Variants in KIF18A observed in about 807,000 individuals in gnomAD.
KIF18A encodes kinesin family member 18A.
Under a neutral mutation model 103.3 loss-of-function variants are expected in KIF18A, and 67 were observed. That is an observed-to-expected ratio of 0.65 (90% CI 0.53 to 0.79). KIF18A has a LOEUF of 0.79. Among genes scored for constraint, KIF18A ranks in the 30% least tolerant of loss-of-function variants. The pLI is 0.00. For synonymous variants in KIF18A, 367 were observed against 355.5 expected (o/e 1.03, Z -0.36); for missense variants, 1,032 against 1,062.5 (o/e 0.97, Z 0.40).
chr11:28,054,104 T>C (rs1339887366), intron 13 of KIF18A, among the ~76,000 whole-genome samples: 1 of 152,066 alleles, frequency 6.6e-6, no homozygotes, highest in Non-Finnish European at 1.5e-5. Context: ...CAAAGATAAA[T>C]ATACATATTT....
In KIF18A at chr11:28,098,441, G is replaced by C. The variant is rs574131755; in HGVS notation, c.-46-448C>G. Reference sequence around the variant, plus strand: ...AGAACCATATCAAGGTATGATTGGAGAGCCTTAGCTTGTGAACTATTTTTA... The same window carrying C: ...AGAACCATATCAAGGTATGATTGGACAGCCTTAGCTTGTGAACTATTTTTA... On this transcript the variant is annotated intron_variant, in intron 1 of 16. Transcript: ENST00000263181. Among the ~76,000 whole-genome samples, 4 of 152,316 alleles carry C rather than the reference G, an allele frequency of 2.6e-5. No individual in the cohort carries two copies. In the South Asian group the frequency reaches 8.3e-4, roughly 32 times the overall value.
Position 28,090,597 on chromosome 11 carries a change from A to G in KIF18A, c.699+20T>C. The G allele has an allele frequency of 8.2e-7, 1 of 1,221,052 alleles. No homozygotes were observed. The highest frequency in any genetic ancestry group is 1.2e-6 in the Non-Finnish European group (1 of 831,442). 75.6% of individuals were successfully genotyped at this position (1,221,052 alleles called of 1,614,324 possible). A position where few individuals can be genotyped will look rare whatever the true frequency, so the allele number is the denominator to read the frequency against. On this transcript the variant is annotated intron_variant, in intron 5 of 16. Transcript: ENST00000263181. ...TATTTTAAATCCAATTTTAAGAGTGATAGTCTAGTGGCCTCTTACTTGGAA... is the reference window on the plus strand; with the variant it reads ...TATTTTAAATCCAATTTTAAGAGTGGTAGTCTAGTGGCCTCTTACTTGGAA...
intron 2 of KIF18A, among the ~76,000 whole-genome samples, chr11:28,096,610 A>G (rs1022792025): frequency 2.6e-5 from 4 of 152,182 alleles, no homozygotes; most frequent in African/African-American, 4.8e-5. Context: ...ATGAAAGAGG[A>G]AAAGAATATC....
At chr11:28,021,329 CAA>C in intron 16 of KIF18A, 47 bp from the exon 17 acceptor site, 2 of 1,256,482 alleles carry the variant, frequency 1.6e-6, no homozygotes, top group South Asian at 4.3e-5. Context: ...AAATATCATT[CAA>C]AAAGTTTTCA....
At position 28,062,447 on chromosome 11, in the gene KIF18A, G is replaced by C; in HGVS notation, c.1660C>G (p.His554Asp). 1 of 1,611,774 alleles carries C rather than the reference G, an allele frequency of 6.2e-7. No homozygotes were observed. Among genetic ancestry groups the C allele is most frequent in the South Asian group, 1.1e-5 (1 of 90,834 alleles). The change falls in exon 12 of 17, where the codon CAT (histidine) becomes GAT (aspartate). Residue 554 changes from histidine (H) to aspartate (D), a missense_variant. Physicochemically the swap from His to Asp is moderately conservative, Grantham distance 81. Coordinates refer to ENST00000263181, the MANE Select transcript of KIF18A (RefSeq NM_031217.4). ...TGAAGACAAGCTAGATCCATCATAT[G>C]TCTAATTTGTGCTTTCAAATCTTTG... Reference protein sequence around the residue: ...QNKDLKAQIRHMMDLACLQEQ... With the variant: ...QNKDLKAQIRDMMDLACLQEQ...
intron 10 of KIF18A, among the ~76,000 whole-genome samples, chr11:28,075,264 CAT>C (rs1390620793): frequency 1.3e-5 from 2 of 152,144 alleles, no homozygotes; most frequent in Non-Finnish European, 2.9e-5. Context: ...TGTAAAAAAG[CAT>C]AAACATAAGA....
chr11:28,086,021 A>G (rs982102243), intron 6 of KIF18A, among the ~76,000 whole-genome samples: 1 of 152,182 alleles, frequency 6.6e-6, no homozygotes, highest in Non-Finnish European at 1.5e-5. Context: ...AAATAAAATA[A>G]TACATTAATA....
Position 28,084,649 on chromosome 11 carries a change from T to C in KIF18A, c.1057A>G (p.Lys353Glu), listed in dbSNP as rs1307375098. 1.2e-6 allele frequency: 2 copies of C among 1,610,748 alleles called. No homozygotes were observed. Among genetic ancestry groups the C allele is most frequent in the Admixed American group, 1.7e-5 (1 of 59,862 alleles). Residue 353 changes from lysine to glutamate, a missense_variant, in exon 7 of 17, where the codon AAG (lysine) becomes GAG (glutamate). By Grantham distance (56) the Lys-to-Glu change is moderately conservative. Coordinates refer to ENST00000263181, the MANE Select transcript of KIF18A (RefSeq NM_031217.4). ...YNTLKYANRA[K>E]DIKSSLKSNV... The stretch of plus-strand genomic sequence containing the variant: ...AGACTTACAGAAGATTTAATGTCCT[T>C]TGCCCGGTTAGCATACTTAAGAGTG...
intron 5 of KIF18A, among the ~76,000 whole-genome samples, chr11:28,090,229 A>G (rs1208225861): frequency 6.6e-6 from 1 of 152,180 alleles, no homozygotes; most frequent in East Asian, 1.9e-4. Context: ...GACTATTTAC[A>G]TGGTCCTTAT....
At chr11:28,032,961 C>T (rs1850430476) in intron 15 of KIF18A, among the ~76,000 whole-genome samples, 1 of 151,760 alleles carries the variant, frequency 6.6e-6, no homozygotes, top group African/African-American at 2.4e-5. Flanking sequence ...TGCAAACTAT[C>T]TATCTGACAA....
At chr11:28,044,834 G>T (rs1321818443) in intron 13 of KIF18A, among the ~76,000 whole-genome samples, 1 of 151,978 alleles carries the variant, frequency 6.6e-6, no homozygotes, top group Non-Finnish European at 1.5e-5. Flanking sequence ...GATTACAACA[G>T]AAGTATATTA....
intron 6 of KIF18A, among the ~76,000 whole-genome samples, chr11:28,085,417 T>G (rs1851214291): frequency 6.6e-6 from 1 of 152,204 alleles, no homozygotes; most frequent in Admixed American, 6.5e-5. Flanking sequence ...TCCACTTTCA[T>G]GTTCCTCCTG....
At chr11:28,090,769 T>C (rs1273679791) in intron 4 of KIF18A, 42 bp from the exon 5 acceptor site, 5 of 900,980 alleles carry the variant, frequency 5.5e-6, no homozygotes, top group Non-Finnish European at 9.1e-6. Flanking sequence ...AAATCAGCAA[T>C]ATATCTTTAA....
At chr11:28,035,543 A>G in intron 14 of KIF18A, 49 bp from the exon 15 acceptor site, 7 of 1,151,712 alleles carry the variant, frequency 6.1e-6, no homozygotes, top group South Asian at 3.9e-5. Context: ...GATTTGAACT[A>G]TGAAGAGAAA....
rs1282297226 is a variant in KIF18A, at chr11:28,020,698, T to C, written c.*502A>G. The C allele has an allele frequency of 1.3e-5, 2 of 152,078 alleles. No homozygotes were observed. Among genetic ancestry groups the C allele is most frequent in the Non-Finnish European group, 2.9e-5 (2 of 67,994 alleles). 9.4% of individuals were successfully genotyped at this position (152,078 alleles called of 1,614,324 possible). Reference sequence around the variant, plus strand: ...TGTGATGACTAAATAATATTTACAATGATTTTATGGGCACATATATTTACA... The same window carrying C: ...TGTGATGACTAAATAATATTTACAACGATTTTATGGGCACATATATTTACA... On this transcript the variant is annotated 3_prime_UTR_variant, in exon 17 of 17. Coordinates refer to ENST00000263181, the MANE Select transcript of KIF18A (RefSeq NM_031217.4).
intron 14 of KIF18A, 83 bp from the exon 15 acceptor site, chr11:28,035,577 A>G: frequency 1.4e-6 from 1 of 692,812 alleles, no homozygotes; most frequent in Non-Finnish European, 2.2e-6. Context: ...GTCCATAATT[A>G]GAAAACCATT....
chr11:28,063,437 G>C lies in KIF18A; in HGVS notation c.1591-921C>G, dbSNP rs1361753553. Among the ~76,000 whole-genome samples the C allele has an allele frequency of 5.3e-5, 8 of 151,878 alleles. No homozygotes were observed. In the East Asian group the frequency reaches 1.5e-3, roughly 29 times the overall value. ...TTCTTCTTTTAAAGAGACAAGACTT[G>C]AGACCCACTCTTGATATTAGCTCCA... is the stretch of plus-strand genomic sequence containing the variant. On this transcript the variant is annotated intron_variant, in intron 11 of 16. Coordinates refer to ENST00000263181, the MANE Select transcript of KIF18A (RefSeq NM_031217.4).
At chr11:28,068,181 A>C (rs1456004577) in intron 11 of KIF18A, among the ~76,000 whole-genome samples, 2 of 152,150 alleles carry the variant, frequency 1.3e-5, no homozygotes, top group Non-Finnish European at 2.9e-5. Context: ...ACAGAAAACT[A>C]AACACTGCAC....
Position 28,039,908 on chromosome 11 carries a change from A to G in KIF18A, c.1949-3244T>C, listed in dbSNP as rs1172002650. Among the ~76,000 whole-genome samples, 5 of 151,728 alleles carry G rather than the reference A, an allele frequency of 3.3e-5. No homozygotes were observed. The Admixed American group carries it at 3.3e-4, about 10-fold the overall frequency. On this transcript the variant is annotated intron_variant, in intron 13 of 16. Coordinates refer to ENST00000263181, the MANE Select transcript of KIF18A (RefSeq NM_031217.4). ...CTAAAGAGTTCTTTTCATTCTCTCA[A>G]TTATTAAGTTCAGATAAAATAAAAG...
Sources: gnomAD v4.1 joint callset for allele counts (sites outside exome capture counted in the v4.1 genomes callset) on GRCh38, gnomAD v4.1.1 for gene constraint, MANE v1.5 for transcripts, NCBI Gene and HGNC (gene_info 2026-07-23, HGNC 2026-07-21) for gene names.